The following ZFYVE9 variants were observed in gnomAD, a reference collection of about 807,000 sequenced individuals.
The protein encoded by ZFYVE9 is zinc finger FYVE-type containing 9, also known as zinc finger FYVE domain-containing protein 9.
Under a neutral mutation model 126.7 loss-of-function variants are expected in ZFYVE9, and 43 were observed. The ratio of observed to expected loss-of-function variants is 0.34; its 90% CI spans 0.27 to 0.44. The LOEUF (loss-of-function observed/expected upper bound fraction) is 0.44, where lower values mean the gene tolerates loss of function less well. Among genes scored for constraint, ZFYVE9 ranks in the 20% least tolerant of loss-of-function variants. The probability of loss-of-function intolerance (pLI) is 1.00; values close to 1 mark genes in which losing one functional copy is unlikely to be tolerated. For synonymous variants in ZFYVE9, 521 were observed against 597.4 expected, an observed-to-expected ratio of 0.87 and a Z score of 1.87; for missense variants, 1,476 against 1,697.0, an observed-to-expected ratio of 0.87 and a Z score of 2.29.
chr1:52,212,655 GC>G (rs2124588458), intron 1 of ZFYVE9, among the ~76,000 whole-genome samples: 1 of 152,280 alleles, frequency 6.6e-6, no homozygotes, highest in South Asian at 2.1e-4. Flanking sequence ...TGTGTTATAT[GC>G]TATACTTAAT....
At chr1:52,318,625 TA>T (rs1447261671) in intron 13 of ZFYVE9, among the ~76,000 whole-genome samples, 3 of 151,730 alleles carry the variant, frequency 2.0e-5, no homozygotes, top group Non-Finnish European at 2.9e-5. Context: ...ATTATATATA[TA>T]AAAAAAGACT....
intron 1 of ZFYVE9, among the ~76,000 whole-genome samples, chr1:52,209,219 G>A (rs563404966): frequency 4.6e-5 from 7 of 152,308 alleles, no homozygotes; most frequent in Non-Finnish European, 8.8e-5. Flanking sequence ...AATGGAAGAA[G>A]TGATGTCTTG....
intron 1 of ZFYVE9, among the ~76,000 whole-genome samples, chr1:52,146,123 CA>C (rs1644304956): frequency 6.6e-6 from 1 of 151,756 alleles, no homozygotes; most frequent in Non-Finnish European, 1.5e-5. Context: ...AGTTGATTTG[CA>C]TAGCACTTAC....
chr1:52,299,989 C>T (rs1048961496), intron 12 of ZFYVE9, among the ~76,000 whole-genome samples: 2 of 152,134 alleles, frequency 1.3e-5, no homozygotes, highest in African/African-American at 4.8e-5. Flanking sequence ...GACCATGGGT[C>T]CCCAGCTTAC....
chr1:52,338,380 T>G (rs1474826378), intron 16 of ZFYVE9, among the ~76,000 whole-genome samples: 1 of 152,230 alleles, frequency 6.6e-6, no homozygotes, highest in Non-Finnish European at 1.5e-5. Context: ...CTTCTTGGGC[T>G]TCAAACTCTG....
intron 4 of ZFYVE9, among the ~76,000 whole-genome samples, chr1:52,250,387 G>A (rs974290980): frequency 6.6e-6 from 1 of 152,040 alleles, no homozygotes; most frequent in Admixed American, 6.6e-5. Flanking sequence ...ATTGTAAATG[G>A]AATTGTTTCC....
intron 3 of ZFYVE9, among the ~76,000 whole-genome samples, chr1:52,234,058 G>A (rs369115341): frequency 1.1e-4 from 16 of 152,226 alleles, no homozygotes; most frequent in East Asian, 5.8e-4. Context: ...TGGGATTATA[G>A]GCATGAGCCA....
chr1:52,189,238 AT>A (rs113406671), intron 1 of ZFYVE9, among the ~76,000 whole-genome samples: 154 of 135,692 alleles, frequency 1.1e-3, no homozygotes, highest in Middle Eastern at 4.1e-3. Flanking sequence ...TGCCCAGCCT[AT>A]TTTTTTTTTT....
At chr1:52,150,667 T>TGAGGCAGGA (rs1053420661) in intron 1 of ZFYVE9, among the ~76,000 whole-genome samples, 1 of 150,338 alleles carries the variant, frequency 6.7e-6, no homozygotes, top group Non-Finnish European at 1.5e-5. Flanking sequence ...CTCAGGAGGC[T>TGAGGCAGGA]GAGGCAGGAG....
At position 52,160,276 on chromosome 1, in the gene ZFYVE9, A is replaced by T. The variant is rs1300947336; in HGVS notation, c.-143+17873A>T. On this transcript the variant is annotated intron_variant, in intron 1 of 18. Coordinates refer to ENST00000287727, the MANE Select transcript of ZFYVE9 (RefSeq NM_004799.4). ...CTCTTTTCAATTAAATCTTTACAAC[A>T]GTTCGAATGCTCTTTCCAGAATGCA... is the stretch of plus-strand genomic sequence containing the variant. The T allele has an allele frequency of 8.8e-6, 8 of 913,172 alleles. No individual in the cohort carries two copies. In the East Asian group the frequency reaches 1.9e-4, roughly 22 times the overall value. The allele number at this position is 913,172 out of a possible 1,614,324, so 56.6% of individuals were successfully genotyped here.
chr1:52,162,240 A>G (rs1049377209), intron 1 of ZFYVE9: 1 of 278,506 alleles, frequency 3.6e-6, no homozygotes, highest in Non-Finnish European at 7.5e-6. Context: ...CGACTATAAT[A>G]AGGAGAAGGT....
chr1:52,337,220 G>A (rs1646398241), intron 15 of ZFYVE9, among the ~76,000 whole-genome samples: 1 of 152,196 alleles, frequency 6.6e-6, no homozygotes, highest in Non-Finnish European at 1.5e-5. Flanking sequence ...TTCAACTCAG[G>A]TAGGTAGCAG....
intron 15 of ZFYVE9, among the ~76,000 whole-genome samples, chr1:52,335,389 C>G (rs2820337): frequency 0.92 from 139,746 of 152,200 alleles, 64,334 homozygotes; most frequent in East Asian, 1. Flanking sequence ...TAGTTGGGAT[C>G]ACTTGAAGTT....
chr1:52,331,797 T>G (rs1190944860), intron 13 of ZFYVE9, among the ~76,000 whole-genome samples: 1 of 150,348 alleles, frequency 6.7e-6, no homozygotes, highest in Non-Finnish European at 1.5e-5. Context: ...TATTTTTTTT[T>G]GAGACAGAGT....
chr1:52,162,955 C>G, intron 1 of ZFYVE9: 1 of 475,236 alleles, frequency 2.1e-6, no homozygotes, highest in East Asian at 4.6e-5. Context: ...AGCAGGAGTT[C>G]CTGTTGGAGA....
intron 2 of ZFYVE9, among the ~76,000 whole-genome samples, chr1:52,218,326 A>G (rs980058762): frequency 1.3e-5 from 2 of 152,160 alleles, no homozygotes; most frequent in Admixed American, 6.5e-5. Context: ...TTATCTCTTG[A>G]AAAGGTTTAG....
At chr1:52,305,441 C>G (rs1252372745) in intron 13 of ZFYVE9, among the ~76,000 whole-genome samples, 1 of 152,148 alleles carries the variant, frequency 6.6e-6, no homozygotes, top group Non-Finnish European at 1.5e-5. Flanking sequence ...AAAAAACAAA[C>G]AAACAAAAAC....
chr1:52,328,884 G>C (rs138453832), intron 13 of ZFYVE9, among the ~76,000 whole-genome samples: 1 of 152,254 alleles, frequency 6.6e-6, no homozygotes, highest in African/African-American at 2.4e-5. Context: ...TGTAAGAGGA[G>C]TATTCAATTA....
At chr1:52,259,411 A>G (rs1645555614) in intron 4 of ZFYVE9, among the ~76,000 whole-genome samples, 1 of 152,112 alleles carries the variant, frequency 6.6e-6, no homozygotes, top group South Asian at 2.1e-4. Context: ...ATTTTTTTCT[A>G]ATTTAAAAAG....
Sources: allele counts gnomAD v4.1 joint callset (sites outside exome capture counted in the v4.1 genomes callset), GRCh38; gene constraint gnomAD v4.1.1; transcripts MANE v1.5; gene names NCBI Gene and HGNC (gene_info 2026-07-23, HGNC 2026-07-21).